Variants in SPATA13 observed in about 807,000 individuals in gnomAD.
The protein encoded by SPATA13 is spermatogenesis-associated protein 13.
In SPATA13, 50 loss-of-function variants were observed where a neutral mutation model predicts 104.0. The ratio of observed to expected loss-of-function variants is 0.48; its 90% CI spans 0.38 to 0.61. SPATA13 has a LOEUF of 0.61. Among genes scored for constraint, SPATA13 ranks in the 20% least tolerant of loss-of-function variants. SPATA13 has a pLI of 0.00. For synonymous variants in SPATA13, 606 were observed against 667.5 expected (o/e 0.91, Z 1.42); for missense variants, 1,524 against 1,690.6 (o/e 0.90, Z 1.73).
At chr13:24,170,594 C>T (rs1882929507) in intron 1 of SPATA13, among the ~76,000 whole-genome samples, 1 of 152,090 alleles carries the variant, frequency 6.6e-6, no homozygotes, top group African/African-American at 2.4e-5. Context: ...CTCTGTTGTC[C>T]TCAGATTGAG....
At chr13:24,019,075 CTTA>C (rs201394966) in intron 3 of SPATA13, among the ~76,000 whole-genome samples, 39 of 137,566 alleles carry the variant, frequency 2.8e-4, no homozygotes, top group African/African-American at 7.1e-4. Context: ...TTATATGATT[CTTA>C]TTATTATTAT....
At chr13:24,122,108 G>A (rs1881048772) in intron 3 of SPATA13, 1 of 1,612,148 alleles carries the variant, frequency 6.2e-7, no homozygotes, top group African/African-American at 1.3e-5. Context: ...GAAAGAACTT[G>A]GCACAACTGG....
chr13:24,215,881 G>T (rs1357419670), intron 1 of SPATA13, among the ~76,000 whole-genome samples: 1 of 152,174 alleles, frequency 6.6e-6, no homozygotes, highest in African/African-American at 2.4e-5. Flanking sequence ...TGGTAAATGT[G>T]GGGGAGGTGC....
intron 4 of SPATA13, among the ~76,000 whole-genome samples, chr13:24,282,168 G>T (rs1053479047): frequency 3.3e-5 from 5 of 151,164 alleles, no homozygotes; most frequent in Admixed American, 2.6e-4. Context: ...ATGATGGTGG[G>T]GGGTGGGAGT....
intron 3 of SPATA13, among the ~76,000 whole-genome samples, chr13:24,140,320 A>T (rs1445037759): frequency 6.6e-6 from 1 of 152,208 alleles, no homozygotes; most frequent in Non-Finnish European, 1.5e-5. Context: ...GCATGCTGAG[A>T]TGCTCAGGAA....
At chr13:24,270,143 C>CT (rs1874502163) in intron 4 of SPATA13, among the ~76,000 whole-genome samples, 1 of 152,088 alleles carries the variant, frequency 6.6e-6, no homozygotes, top group African/African-American at 2.4e-5. Context: ...GAAGCTCACT[C>CT]TTTGTTAACA....
At chr13:24,044,334 G>A (rs1477317203) in intron 3 of SPATA13, among the ~76,000 whole-genome samples, 2 of 148,494 alleles carry the variant, frequency 1.3e-5, no homozygotes, top group Non-Finnish European at 3.0e-5. Context: ...CTGGGTTCAA[G>A]CGATTCTCCT....
At chr13:24,173,126 G>A (rs1423658536) in intron 1 of SPATA13, among the ~76,000 whole-genome samples, 1 of 152,106 alleles carries the variant, frequency 6.6e-6, no homozygotes, top group Non-Finnish European at 1.5e-5. Flanking sequence ...CATCCAGGCT[G>A]GAGTGCAGTG....
At chr13:24,200,680 T>C (rs1224462029) in intron 1 of SPATA13, among the ~76,000 whole-genome samples, 1 of 151,546 alleles carries the variant, frequency 6.6e-6, no homozygotes, top group East Asian at 1.9e-4. Context: ...CAACTTTATG[T>C]TTTTTGCTCT....
intron 3 of SPATA13, among the ~76,000 whole-genome samples, chr13:24,108,962 T>G (rs1214354772): frequency 6.6e-6 from 1 of 151,998 alleles, no homozygotes; most frequent in Non-Finnish European, 1.5e-5. Context: ...TTTTATTTTA[T>G]TTTATTTTTT....
chr13:24,165,807 C>T (rs7333705), intron 1 of SPATA13, among the ~76,000 whole-genome samples: 91,244 of 152,022 alleles, frequency 0.6, 29,059 homozygotes, highest in East Asian at 0.75. Context: ...AGTGTTAATG[C>T]GACAATTCAG....
At chr13:23,983,474 G>A (rs182191997) in intron 1 of SPATA13, among the ~76,000 whole-genome samples, 2 of 152,294 alleles carry the variant, frequency 1.3e-5, no homozygotes, top group Admixed American at 6.5e-5. Context: ...TGAATTTTGA[G>A]CCCAGAGCAG....
At chr13:24,052,841 G>GCCCCCCCGCCCC (rs1555257406) in intron 3 of SPATA13, among the ~76,000 whole-genome samples, 145 of 58,946 alleles carry the variant, frequency 2.5e-3, no homozygotes, top group Non-Finnish European at 3.4e-3. Context: ...GATCCTCCCC[G>GCCCCCCCGCCCC]CCACTGTGCC....
At chr13:24,197,998 GTT>G (rs1441385882) in intron 1 of SPATA13, among the ~76,000 whole-genome samples, 2 of 151,932 alleles carry the variant, frequency 1.3e-5, no homozygotes, top group African/African-American at 4.8e-5. Context: ...CCTCGTGTTT[GTT>G]TGTTTGTTTG....
At chr13:24,012,055 G>A (rs1876492270) in intron 2 of SPATA13, among the ~76,000 whole-genome samples, 1 of 152,222 alleles carries the variant, frequency 6.6e-6, no homozygotes, top group Non-Finnish European at 1.5e-5. Context: ...GTTTCTTGCA[G>A]CCATTGTGTC....
intron 3 of SPATA13, among the ~76,000 whole-genome samples, chr13:24,064,843 A>G (rs1387720300): frequency 6.6e-6 from 1 of 152,108 alleles, no homozygotes; most frequent in Non-Finnish European, 1.5e-5. Context: ...TGGGGTAGGT[A>G]TTTTTTTCAA....
rs1054681849 is a variant in SPATA13, at chr13:24,088,393, C to T, written c.-112+70692C>T. Among the ~76,000 whole-genome samples, 17 of 152,148 alleles carry T rather than the reference C, an allele frequency of 1.1e-4. No individual in the cohort carries two copies. The highest frequency in any genetic ancestry group is 4.1e-4 in the African/African-American group (17 of 41,428). On this transcript the variant is annotated intron_variant, in intron 3 of 14. Transcript: ENST00000424834. The surrounding 1 kb of genome is among the most constrained non-coding windows in gnomAD (Gnocchi z 4.3). ...AGTTCTGAACCCTGCACTCCATGCT[C>T]CAGTGTGGAGCCGCAGTTTCCTTTC... is the stretch of plus-strand genomic sequence containing the variant.
At chr13:24,042,635 CA>C (rs534709106) in intron 3 of SPATA13, among the ~76,000 whole-genome samples, 85 of 152,354 alleles carry the variant, frequency 5.6e-4, no homozygotes, top group African/African-American at 1.9e-3. Context: ...TATTCATTAC[CA>C]GGGGGTAAAC....
At chr13:23,984,502 C>T (rs941380865) in intron 2 of SPATA13, among the ~76,000 whole-genome samples, 3 of 152,186 alleles carry the variant, frequency 2.0e-5, no homozygotes, top group Non-Finnish European at 4.4e-5. Context: ...CATGGCCCCG[C>T]GCAGCACCTG....
Sources: allele counts gnomAD v4.1 joint callset (sites outside exome capture counted in the v4.1 genomes callset), GRCh38; gene constraint gnomAD v4.1.1; non-coding constraint Gnocchi (gnomAD v3.1); transcripts MANE v1.5; gene names NCBI Gene and HGNC (gene_info 2026-07-23, HGNC 2026-07-21).